Variants in ALOX5AP observed in about 807,000 individuals in gnomAD.
The protein encoded by ALOX5AP is arachidonate 5-lipoxygenase activating protein.
Under a neutral mutation model 18.5 loss-of-function variants are expected in ALOX5AP, and 9 were observed. The ratio of observed to expected loss-of-function variants is 0.49; its 90% CI spans 0.29 to 0.85. ALOX5AP has a LOEUF of 0.85. Ranked by LOEUF, ALOX5AP falls within the 40% of genes least tolerant of loss-of-function variation. The pLI, the probability that ALOX5AP is intolerant of heterozygous loss-of-function variation, is 0.08. For missense variants in ALOX5AP, 172 were observed against 202.5 expected, an observed-to-expected ratio of 0.85 and a Z score of 0.91; for synonymous variants, 81 against 78.6, an observed-to-expected ratio of 1.03 and a Z score of -0.16.
chr13:30,739,120 G>C (rs780569216), intron 1 of ALOX5AP, among the ~76,000 whole-genome samples: 11 of 151,508 alleles, frequency 7.3e-5, no homozygotes, highest in Non-Finnish European at 1.6e-4. Context: ...GCTTCTTCCT[G>C]AACACTGCAG....
rs1456113725 is a variant in ALOX5AP at position 30,735,615 on chromosome 13, G to T, written c.10G>T (p.Glu4Ter). MDQ[E>*]TVGNVVLLAI... ...GGAGCCTGAAGCAAACATGGATCAA[G>T]AAACTGTAGGCAATGTTGTCCTGTT... The change falls in exon 1 of 5, where the codon GAA (glutamate) becomes TAA (stop). Residue 4 changes from glutamate to a stop codon, truncating the protein, a stop_gained. Transcript: ENST00000380490. LOFTEE classifies it high-confidence loss of function. 6.2e-7 allele frequency: 1 copy of T among 1,614,170 alleles called. No homozygotes were observed. The highest frequency in any genetic ancestry group is 8.5e-7 in the Non-Finnish European group (1 of 1,180,032).
chr13:30,741,103 C>CTTTTTTTTTTTTTTTTTTTTTTTT (rs59980433), intron 1 of ALOX5AP, among the ~76,000 whole-genome samples: 2 of 63,968 alleles, frequency 3.1e-5, no homozygotes, highest in Non-Finnish European at 5.5e-5. Flanking sequence ...CCTCCATATC[C>CTTTTTTTTTTTTTTTTTTTTTTTT]TTTTTTTTTT....
At chr13:30,747,958 T>C (rs1951822357) in intron 2 of ALOX5AP, among the ~76,000 whole-genome samples, 3 of 152,176 alleles carry the variant, frequency 2.0e-5, no homozygotes, top group Admixed American at 2.0e-4. Flanking sequence ...CTTCACTCTG[T>C]CACCAGGCTG....
intron 1 of ALOX5AP, among the ~76,000 whole-genome samples, chr13:30,725,972 A>G (rs1951636429): frequency 6.6e-6 from 1 of 152,142 alleles, no homozygotes; most frequent in East Asian, 1.9e-4. Context: ...TGACCAATAT[A>G]TGATGCTATT....
At chr13:30,718,742 C>T (rs1010126294) in intron 1 of ALOX5AP, among the ~76,000 whole-genome samples, 5 of 152,178 alleles carry the variant, frequency 3.3e-5, no homozygotes, top group African/African-American at 1.2e-4. Flanking sequence ...GGATCAGGGT[C>T]GCCCTAGCTG....
chr13:30,718,831 G>C (rs1323281468), intron 1 of ALOX5AP, among the ~76,000 whole-genome samples: 1 of 152,164 alleles, frequency 6.6e-6, no homozygotes, highest in East Asian at 1.9e-4. Context: ...GCTCATAGCT[G>C]ACCACTGAAC....
At chr13:30,727,006 C>A (rs2137793553) in intron 1 of ALOX5AP, among the ~76,000 whole-genome samples, 1 of 151,242 alleles carries the variant, frequency 6.6e-6, no homozygotes, top group South Asian at 2.1e-4. Context: ...AGGGTTAGTG[C>A]ATTTTCTGTT....
chr13:30,761,250 T>C (rs1459683988), intron 4 of ALOX5AP, among the ~76,000 whole-genome samples: 1 of 152,230 alleles, frequency 6.6e-6, no homozygotes, highest in Non-Finnish European at 1.5e-5. Context: ...CCTAGTCCTA[T>C]GCTGCGAGGG....
At position 30,764,181 on chromosome 13, in the gene ALOX5AP, C is replaced by A; in HGVS notation, c.*75C>A. 1 of 1,468,468 alleles carries A rather than the reference C, an allele frequency of 6.8e-7. No individual in the cohort carries two copies. The highest frequency in any genetic ancestry group is 1.3e-5 in the South Asian group (1 of 75,842). The allele number at this position is 1,468,468 out of a possible 1,614,324, so 91.0% of individuals were successfully genotyped here. A position where few individuals can be genotyped will look rare whatever the true frequency, so the allele number is the denominator to read the frequency against. On this transcript the variant is annotated 3_prime_UTR_variant, in exon 5 of 5. Coordinates refer to ENST00000380490, the MANE Select transcript of ALOX5AP (RefSeq NM_001629.4). ...GTCATCATAATTCAGCTCTTGAGAG[C>A]ATTCTGCTCTTCTTTAGATGGCTGT...
intron 1 of ALOX5AP, among the ~76,000 whole-genome samples, chr13:30,717,985 G>A (rs1354795891): frequency 6.6e-6 from 1 of 150,618 alleles, no homozygotes; most frequent in Non-Finnish European, 1.5e-5. Flanking sequence ...TTGAGACGGA[G>A]TTTCACTCTT....
At chr13:30,747,760 G>A (rs1951820731) in intron 2 of ALOX5AP, among the ~76,000 whole-genome samples, 2 of 152,054 alleles carry the variant, frequency 1.3e-5, no homozygotes, top group South Asian at 2.1e-4. Flanking sequence ...CTGATTCTTG[G>A]TTTTCTAAGA....
intron 4 of ALOX5AP, among the ~76,000 whole-genome samples, chr13:30,761,188 C>G (rs1401579131): frequency 6.6e-6 from 1 of 152,166 alleles, no homozygotes; most frequent in East Asian, 1.9e-4. Context: ...GAGCAGGAGG[C>G]TGAGCTCTTA....
upstream of ALOX5AP, among the ~76,000 whole-genome samples, chr13:30,733,725 C>T (rs1951699371): frequency 6.6e-6 from 1 of 152,216 alleles, no homozygotes; most frequent in African/African-American, 2.4e-5. Flanking sequence ...TGGGTGTCAT[C>T]AATCCACTGA....
rs777940375 is a variant in ALOX5AP at position 30,752,058 on chromosome 13, C to T, written c.177C>T (p.Asn59=). The T allele has an allele frequency of 5.0e-6, 8 of 1,614,096 alleles. No homozygotes were observed. Among genetic ancestry groups the T allele is most frequent in the Middle Eastern group, 1.6e-4 (1 of 6,062 alleles). Residue 59 remains asparagine, a synonymous_variant, in exon 3 of 5, where the codon AAC becomes AAT. Coordinates refer to ENST00000380490, the MANE Select transcript of ALOX5AP (RefSeq NM_001629.4). The part of the protein sequence containing the change: ...AFERVYTANQ[N]CVDAYPTFLA... ...TTGTTTGTTTATTCTGCAGCCAGAACTGTGTAGATGCGTACCCCACTTTCC... is the reference window on the plus strand; with the variant it reads ...TTGTTTGTTTATTCTGCAGCCAGAATTGTGTAGATGCGTACCCCACTTTCC...
chr13:30,750,047 T>C (rs1176860930), intron 2 of ALOX5AP, among the ~76,000 whole-genome samples: 2 of 152,268 alleles, frequency 1.3e-5, no homozygotes, highest in South Asian at 4.2e-4. Context: ...CAGCATCACA[T>C]GGAGGGCTTG....
intron 1 of ALOX5AP, among the ~76,000 whole-genome samples, chr13:30,723,860 G>T (rs900809028): frequency 6.6e-6 from 1 of 152,026 alleles, no homozygotes; most frequent in African/African-American, 2.4e-5. Context: ...TCAGCCTCCC[G>T]AGTAGCTGGG....
intron 4 of ALOX5AP, among the ~76,000 whole-genome samples, chr13:30,760,892 T>G (rs890945934): frequency 6.6e-6 from 1 of 151,962 alleles, no homozygotes; most frequent in Non-Finnish European, 1.5e-5. Flanking sequence ...GATTAGTGAG[T>G]CTTCTGTGGT....
chr13:30,758,055 C>A (rs17245310), intron 4 of ALOX5AP, among the ~76,000 whole-genome samples: 4,043 of 152,182 alleles, frequency 0.027, 76 homozygotes, highest in African/African-American at 0.037. Flanking sequence ...GCTCTTTCTT[C>A]CAGAGACCAA....
upstream of ALOX5AP, among the ~76,000 whole-genome samples, chr13:30,730,959 C>A (rs1951676270): frequency 6.7e-6 from 1 of 150,270 alleles, no homozygotes; most frequent in African/African-American, 2.4e-5. Flanking sequence ...ATTTGTCTAA[C>A]TAACCTGTCA....
Sources: gnomAD v4.1 joint callset for allele counts (sites outside exome capture counted in the v4.1 genomes callset) on GRCh38, gnomAD v4.1.1 for gene constraint, MANE v1.5 for transcripts, NCBI Gene and HGNC (gene_info 2026-07-23, HGNC 2026-07-21) for gene names.